Variants in CCDC144A observed in about 807,000 individuals in gnomAD.
CCDC144A encodes coiled-coil domain-containing protein 144A.
A neutral mutation model predicts 143.8 loss-of-function variants in CCDC144A; 41 were observed. That is an observed-to-expected ratio of 0.29 (90% CI 0.22 to 0.37). The LOEUF (loss-of-function observed/expected upper bound fraction) is 0.37, where lower values mean the gene tolerates loss of function less well. CCDC144A is among the 10% of genes least tolerant of loss of function. The pLI, the probability that CCDC144A is intolerant of heterozygous loss-of-function variation, is 1.00. For synonymous variants in CCDC144A, 242 were observed against 517.9 expected (o/e 0.47, Z 7.23); for missense variants, 637 against 1,488.8 (o/e 0.43, Z 9.41).
chr17:16,768,202 A>G (rs933622407), intron 15 of CCDC144A, among the ~76,000 whole-genome samples: 6 of 152,240 alleles, frequency 3.9e-5, no homozygotes, highest in African/African-American at 1.4e-4. Flanking sequence ...GATTACCCTT[A>G]TCTTGTCTCC....
At chr17:16,719,215 A>G (rs1912948152) in intron 6 of CCDC144A, among the ~76,000 whole-genome samples, 1 of 151,966 alleles carries the variant, frequency 6.6e-6, no homozygotes, top group Admixed American at 6.5e-5. Flanking sequence ...GTTTCCCTGG[A>G]CCAACATTGC....
rs1447536133 is a variant in CCDC144A, at chr17:16,762,417, A to C, written c.3771A>C (p.Glu1257Asp). The change falls in exon 14 of 17, where the codon GAA becomes GAC. Residue 1257 changes from glutamate to aspartate, a missense_variant. By Grantham distance (45) the Glu-to-Asp change is conservative. Coordinates refer to ENST00000399273, the MANE Select transcript of CCDC144A (RefSeq NM_001382000.1). ...TCACAATCAAAGATCTGGAATCTGA[A>C]ATCTCCAGAATAAAAACTTCGCAAG... The part of the protein sequence containing the change: ...MELTIKDLES[E>D]ISRIKTSQAD... 2 of 1,577,802 alleles carry C rather than the reference A, an allele frequency of 1.3e-6. No individual in the cohort carries two copies. The highest frequency in any genetic ancestry group is 4.8e-5 in the East Asian group (2 of 42,090).
At chr17:16,696,320 T>A (rs1200380005) in intron 2 of CCDC144A, among the ~76,000 whole-genome samples, 1 of 150,070 alleles carries the variant, frequency 6.7e-6, no homozygotes, top group Non-Finnish European at 1.5e-5. Flanking sequence ...TGCCCAGACT[T>A]TTTAATACTA....
chr17:16,671,237 C>T, the CCDC144A span, among the ~76,000 whole-genome samples: 1 of 152,076 alleles, frequency 6.6e-6, no homozygotes, highest in African/African-American at 2.4e-5. Flanking sequence ...CCCATCTTGG[C>T]CTCCCAAAGT....
At chr17:16,757,692 A>C (rs1212493187) in intron 12 of CCDC144A, among the ~76,000 whole-genome samples, 2 of 152,198 alleles carry the variant, frequency 1.3e-5, no homozygotes, top group East Asian at 1.9e-4. Context: ...CGGCCTCCTA[A>C]AGGTATGTAC....
intron 6 of CCDC144A, among the ~76,000 whole-genome samples, chr17:16,717,103 C>CT (rs1195816990): frequency 0.21 from 27,132 of 126,398 alleles, 2,968 homozygotes; most frequent in South Asian, 0.3. Context: ...GCTCGGCCAG[C>CT]TTTTTTTTTT....
chr17:16,732,655 A>G lies in CCDC144A; in HGVS notation c.2407A>G (p.Met803Val). The G allele has an allele frequency of 6.2e-7, 1 of 1,607,770 alleles. No individual in the cohort carries two copies. The highest frequency in any genetic ancestry group is 8.5e-7 in the Non-Finnish European group (1 of 1,177,598). Reference protein sequence around the residue: ...QKELEMARKKMNSEISHRHQK... With the variant: ...QKELEMARKKVNSEISHRHQK... ...GGAACTAGAAATGGCTCGAAAGAAA[A>G]TGAATTCTGAGGTATTTTCTTTAGT... The change falls in exon 11 of 17, where the codon ATG becomes GTG. Residue 803 changes from methionine to valine, a missense_variant. Transcript: ENST00000399273.
At chr17:16,736,339 T>G (rs1440865253) in intron 12 of CCDC144A, among the ~76,000 whole-genome samples, 2 of 151,560 alleles carry the variant, frequency 1.3e-5, no homozygotes, top group African/African-American at 4.8e-5. Flanking sequence ...CTCGAACTCC[T>G]GACCTCAGGT....
chr17:16,686,264 G>A (rs1351752702), upstream of CCDC144A, among the ~76,000 whole-genome samples: 1 of 151,928 alleles, frequency 6.6e-6, no homozygotes, highest in Non-Finnish European at 1.5e-5. Flanking sequence ...CAATGGTGTT[G>A]CAATTTCCCT....
intron 16 of CCDC144A, among the ~76,000 whole-genome samples, chr17:16,773,131 T>C (rs1449890494): frequency 6.6e-6 from 1 of 151,958 alleles, no homozygotes; most frequent in Non-Finnish European, 1.5e-5. Context: ...TGATTTGCAC[T>C]TAGTTAACTA....
At chr17:16,716,624 A>G (rs1412531700) in intron 6 of CCDC144A, among the ~76,000 whole-genome samples, 1 of 152,176 alleles carries the variant, frequency 6.6e-6, no homozygotes, top group East Asian at 1.9e-4. Flanking sequence ...GAATTTTAAC[A>G]CTAAGATTTT....
At chr17:16,693,692 A>G (rs1911234363) in intron 2 of CCDC144A, among the ~76,000 whole-genome samples, 1 of 152,062 alleles carries the variant, frequency 6.6e-6, no homozygotes, top group South Asian at 2.1e-4. Context: ...CTTGTTATGA[A>G]ATTGGAACTT....
intron 6 of CCDC144A, among the ~76,000 whole-genome samples, chr17:16,713,475 C>T (rs1912564247): frequency 6.6e-6 from 1 of 151,980 alleles, no homozygotes; most frequent in African/African-American, 2.4e-5. Flanking sequence ...TGCACTTGTC[C>T]CCTTTTATTC....
At chr17:16,754,645 T>C (rs1328813707) in intron 12 of CCDC144A, among the ~76,000 whole-genome samples, 1 of 152,250 alleles carries the variant, frequency 6.6e-6, no homozygotes, top group African/African-American at 2.4e-5. Flanking sequence ...TTAAACTCAA[T>C]ATATGGTCTA....
At chr17:16,681,193 C>T in the CCDC144A span, among the ~76,000 whole-genome samples, 3 of 151,554 alleles carry the variant, frequency 2.0e-5, no homozygotes, top group Admixed American at 6.6e-5. Context: ...TTTTTTTATT[C>T]CTTAAATAAA....
chr17:16,676,338 C>G, the CCDC144A span, among the ~76,000 whole-genome samples: 1 of 151,624 alleles, frequency 6.6e-6, no homozygotes, highest in Non-Finnish European at 1.5e-5. Context: ...ATGGTGAAAC[C>G]CTGTCTCTAC....
chr17:16,708,872 T>C lies in CCDC144A; in HGVS notation c.815T>C (p.Val272Ala), dbSNP rs745396007. ...CCTATATATCCAGTACTTCCTCATGTGCAAAAATCTGAGGAAATGTGGATT... is the reference window on the plus strand; with the variant it reads ...CCTATATATCCAGTACTTCCTCATGCGCAAAAATCTGAGGAAATGTGGATT... ...DIPIYPVLPH[V>A]QKSEEMWIEQ... The change falls in exon 5 of 17, where the codon GTG (valine) becomes GCG (alanine). Residue 272 changes from valine to alanine, a missense_variant. By Grantham distance (64) the Val-to-Ala change is moderately conservative. Coordinates refer to ENST00000399273, the MANE Select transcript of CCDC144A (RefSeq NM_001382000.1). The C allele has an allele frequency of 6.2e-7, 1 of 1,611,820 alleles. No homozygotes were observed. Among genetic ancestry groups the C allele is most frequent in the Non-Finnish European group, 8.5e-7 (1 of 1,179,742 alleles).
rs117848500 is a variant in CCDC144A at position 16,708,430 on chromosome 17, A to C, written c.739-366A>C. On this transcript the variant is annotated intron_variant, in intron 4 of 16. Coordinates refer to ENST00000399273, the MANE Select transcript of CCDC144A (RefSeq NM_001382000.1). ...CGTGTACTGTAGGGGCTCACTTTCC[A>C]AGTGAGGACGCCTTTGTAACACTAG... Among the ~76,000 whole-genome samples, 3 of 152,146 alleles carry C rather than the reference A, an allele frequency of 2.0e-5. No homozygotes were observed. In the East Asian group the frequency reaches 5.8e-4, roughly 29 times the overall value.
rs186379386 is a variant in CCDC144A, at chr17:16,759,718, A to T, written c.3373-1707A>T. ...CTTCTGTAGGTCCTTTCAGCTTCTG[A>T]TTAGCTCCTGGTCCAATGGTAATCC... is the stretch of plus-strand genomic sequence containing the variant. On this transcript the variant is annotated intron_variant, in intron 12 of 16. Transcript: ENST00000399273. 5.4e-4 allele frequency among the ~76,000 whole-genome samples: 82 copies of T among 152,286 alleles called. No homozygotes were observed. The East Asian group carries it at 0.014, about 27-fold the overall frequency.
Sources: gnomAD v4.1 joint callset for allele counts (sites outside exome capture counted in the v4.1 genomes callset) on GRCh38, gnomAD v4.1.1 for gene constraint, MANE v1.5 for transcripts, NCBI Gene and HGNC (gene_info 2026-07-23, HGNC 2026-07-21) for gene names.